The following KANSL1 variants were observed in gnomAD, a reference collection of about 807,000 sequenced individuals.
The protein encoded by KANSL1 is MLL1/MLL complex subunit KANSL1.
KANSL1 carries 22 observed loss-of-function variants against 103.6 expected under a neutral mutation model. The ratio of observed to expected loss-of-function variants is 0.21; its 90% CI spans 0.15 to 0.30. KANSL1 has a LOEUF of 0.30. Among genes scored for constraint, KANSL1 ranks in the 10% least tolerant of loss-of-function variants. The pLI, the probability that KANSL1 is intolerant of heterozygous loss-of-function variation, is 1.00. For synonymous variants in KANSL1, 600 were observed against 527.6 expected, an observed-to-expected ratio of 1.14 and a Z score of -1.88; for missense variants, 1,337 against 1,399.8, an observed-to-expected ratio of 0.96 and a Z score of 0.72.
intron 1 of KANSL1, among the ~76,000 whole-genome samples, chr17:46,181,341 T>G (rs2147832005): frequency 6.6e-6 from 1 of 152,310 alleles, no homozygotes; most frequent in South Asian, 2.1e-4. Flanking sequence ...GTCTAGATTA[T>G]CACAACAGCT....
chr17:46,218,813 G>C (rs77294312), intron 1 of KANSL1, among the ~76,000 whole-genome samples: 18,528 of 149,746 alleles, frequency 0.12, 22 homozygotes, highest in Middle Eastern at 0.19. Context: ...ATTACAATAA[G>C]AACAGTAGTA....
chr17:46,126,016 C>T (rs2043539619), intron 2 of KANSL1, among the ~76,000 whole-genome samples: 1 of 152,210 alleles, frequency 6.6e-6, no homozygotes, highest in South Asian at 2.1e-4. Context: ...CAAAGTCACA[C>T]AGCTTATCAG....
chr17:46,105,906 G>GACACACACACACACACACACACACACAC (rs773000790), intron 2 of KANSL1, among the ~76,000 whole-genome samples: 1 of 95,182 alleles, frequency 1.1e-5, no homozygotes, highest in African/African-American at 4.6e-5. Context: ...GCAAGGCCTT[G>GACACACACACACACACACACACACACAC]ACACACACAC....
Position 46,033,141 on chromosome 17 carries a change from C to T in KANSL1, c.2776G>A (p.Glu926Lys). The stretch of plus-strand genomic sequence containing the variant: ...CACAGCCACCGTGCCCTCTCCATCT[C>T]CTCACATTTGGCATGCAGGGCGGCG... ...AFAALHAKCEEMERARWLWTT... is the reference protein window; with the variant it reads ...AFAALHAKCEKMERARWLWTT... Residue 926 changes from glutamate (E) to lysine (K), a missense_variant, in exon 13 of 15, where the codon GAG becomes AAG. Glu to Lys is a moderately conservative substitution (Grantham distance 56). Transcript: ENST00000432791. 2 of 1,607,162 alleles carry T rather than the reference C, an allele frequency of 1.2e-6. No homozygotes were observed.
At chr17:46,174,732 C>T (rs2732644) in intron 1 of KANSL1, among the ~76,000 whole-genome samples, 21,960 of 152,032 alleles carry the variant, frequency 0.14, 2,135 homozygotes, top group Middle Eastern at 0.22. Context: ...TAGAGTGCAG[C>T]GGCACAATCA....
intron 2 of KANSL1, among the ~76,000 whole-genome samples, chr17:46,147,561 G>GT (rs1283937340): frequency 7.7e-6 from 1 of 129,668 alleles, no homozygotes; most frequent in Non-Finnish European, 1.6e-5. Flanking sequence ...GGGTGACAGA[G>GT]TGAGACTCTT....
At chr17:46,174,545 A>C (rs1489091852) in intron 1 of KANSL1, among the ~76,000 whole-genome samples, 5 of 152,254 alleles carry the variant, frequency 3.3e-5, no homozygotes, top group Admixed American at 6.5e-5. Flanking sequence ...AATGAACGTG[A>C]ATTTTTGATT....
intron 6 of KANSL1, among the ~76,000 whole-genome samples, chr17:46,053,709 T>C (rs954244580): frequency 1.5e-4 from 23 of 152,102 alleles, no homozygotes; most frequent in South Asian, 4.1e-4. Flanking sequence ...GCTGGGATTA[T>C]AGGCATGAGC....
chr17:46,206,576 A>G (rs934547745), intron 1 of KANSL1, among the ~76,000 whole-genome samples: 3 of 152,252 alleles, frequency 2.0e-5, no homozygotes, highest in Admixed American at 6.5e-5. Flanking sequence ...GAAACAAACA[A>G]TGGTCTTTTC....
At chr17:46,050,918 A>T (rs1461078943) in intron 6 of KANSL1, among the ~76,000 whole-genome samples, 3 of 152,242 alleles carry the variant, frequency 2.0e-5, no homozygotes, top group Non-Finnish European at 4.4e-5. Context: ...GTGGGTAAGG[A>T]AACTTGCTTC....
At chr17:46,048,791 T>G (rs1405843077) in intron 7 of KANSL1, among the ~76,000 whole-genome samples, 1 of 152,236 alleles carries the variant, frequency 6.6e-6, no homozygotes, top group African/African-American at 2.4e-5. Flanking sequence ...CAGATAGTTG[T>G]AAAGATTATA....
intron 10 of KANSL1, chr17:46,035,740 G>A (rs969770228): frequency 4.6e-5 from 7 of 152,156 alleles, no homozygotes; most frequent in African/African-American, 1.4e-4. Context: ...TCTTGGTCAA[G>A]AATAAATGTG....
intron 1 of KANSL1, among the ~76,000 whole-genome samples, chr17:46,182,533 T>C (rs2046840281): frequency 1.3e-5 from 2 of 152,390 alleles, no homozygotes; most frequent in African/African-American, 4.8e-5. Flanking sequence ...ATCAATTTCC[T>C]TGGCCAACAG....
At position 46,172,099 on chromosome 17, in the gene KANSL1, T is replaced by G; in HGVS notation, c.45A>C (p.Ala15=). 6.2e-7 allele frequency: 1 copy of G among 1,611,510 alleles called. No individual in the cohort carries two copies. The highest frequency in any genetic ancestry group is 8.5e-7 in the Non-Finnish European group (1 of 1,180,046). The change falls in exon 2 of 15, where the codon GCA becomes GCC. Residue 15 remains alanine (A), a synonymous_variant. Coordinates refer to ENST00000432791, the MANE Select transcript of KANSL1 (RefSeq NM_015443.4). The part of the protein sequence containing the change: ...APALTDAAAE[A]HHIRFKLAPP... ...GAGCCAGTTTGAACCGGATATGGTG[T>G]GCTTCAGCTGCTGCGTCAGTGAGAG...
At chr17:46,075,637 CA>C (rs1472688849) in intron 4 of KANSL1, among the ~76,000 whole-genome samples, 1 of 152,022 alleles carries the variant, frequency 6.6e-6, no homozygotes, top group African/African-American at 2.4e-5. Flanking sequence ...AGCCTAAAAT[CA>C]TATTTTAAAA....
At chr17:46,179,737 C>T (rs1032370858) in intron 1 of KANSL1, among the ~76,000 whole-genome samples, 1 of 152,166 alleles carries the variant, frequency 6.6e-6, no homozygotes, top group African/African-American at 2.4e-5. Context: ...AAAGGCAACG[C>T]TGTGTGGGAA....
chr17:46,113,866 C>A lies in KANSL1; in HGVS notation c.1290-19165G>T, dbSNP rs183405843. Among the ~76,000 whole-genome samples, 65 of 152,228 alleles carry A rather than the reference C, an allele frequency of 4.3e-4. No homozygotes were observed. In the East Asian group the frequency reaches 0.011, roughly 25 times the overall value. ...GTAAGATCTTGATTAAGCCATGAGG[C>A]CAAATCTAAATCTAAATCACCCACT... On this transcript the variant is annotated intron_variant, in intron 2 of 14. Transcript: ENST00000432791.
chr17:46,085,047 T>C (rs183072270), intron 3 of KANSL1, among the ~76,000 whole-genome samples: 1 of 152,308 alleles, frequency 6.6e-6, no homozygotes, highest in Admixed American at 6.5e-5. Context: ...AATTTTCCCA[T>C]AACCGGTTCC....
At chr17:46,128,079 G>C (rs2043664622) in intron 2 of KANSL1, among the ~76,000 whole-genome samples, 1 of 152,028 alleles carries the variant, frequency 6.6e-6, no homozygotes, top group African/African-American at 2.4e-5. Flanking sequence ...GCTTTCCAAA[G>C]TGCTGGGGTT....
Sources: allele counts gnomAD v4.1 joint callset (sites outside exome capture counted in the v4.1 genomes callset), GRCh38; gene constraint gnomAD v4.1.1; transcripts MANE v1.5; gene names NCBI Gene and HGNC (gene_info 2026-07-23, HGNC 2026-07-21).